The following MAGI1 variants were observed in gnomAD, a reference collection of about 807,000 sequenced individuals.
The protein encoded by MAGI1 is membrane associated guanylate kinase, WW and PDZ domain containing 1.
A neutral mutation model predicts 139.9 loss-of-function variants in MAGI1; 58 were observed. The ratio of observed to expected loss-of-function variants is 0.41; its 90% CI spans 0.34 to 0.52. The LOEUF (loss-of-function observed/expected upper bound fraction) is 0.52. MAGI1 is among the 20% of genes least tolerant of loss of function. The pLI is 0.12. For missense variants in MAGI1, 1,874 were observed against 1,901.6 expected (o/e 0.99, Z 0.27); for synonymous variants, 812 against 737.9 (o/e 1.10, Z -1.63).
At chr3:65,376,032 A>G in intron 17 of MAGI1, 87 bp from the exon 18 acceptor site, 1 of 943,894 alleles carries the variant, frequency 1.1e-6, no homozygotes, top group Non-Finnish European at 1.6e-6. Flanking sequence ...GGGAAAGAGA[A>G]GGTTAAGTGT....
chr3:65,971,423 A>G (rs962655312), intron 1 of MAGI1, among the ~76,000 whole-genome samples: 8 of 152,160 alleles, frequency 5.3e-5, no homozygotes, highest in Non-Finnish European at 1.2e-4. Context: ...CTGATTCTAA[A>G]GAGATGCAAT....
At chr3:65,817,042 T>A (rs973083966) in intron 1 of MAGI1, among the ~76,000 whole-genome samples, 2 of 152,210 alleles carry the variant, frequency 1.3e-5, no homozygotes, top group Non-Finnish European at 2.9e-5. Flanking sequence ...GGACATAAAT[T>A]GCAATTCATA....
chr3:66,033,037 T>A (rs774336531), intron 1 of MAGI1, among the ~76,000 whole-genome samples: 5 of 151,510 alleles, frequency 3.3e-5, no homozygotes, highest in Admixed American at 3.3e-4. Context: ...ATCTTTTGTG[T>A]GTGTGTGTGA....
intron 5 of MAGI1, among the ~76,000 whole-genome samples, chr3:65,465,363 T>C (rs1950102483): frequency 6.6e-6 from 1 of 151,752 alleles, no homozygotes; most frequent in Non-Finnish European, 1.5e-5. Context: ...AATTTTGGTA[T>C]TGTTTTAGAA....
intron 1 of MAGI1, among the ~76,000 whole-genome samples, chr3:65,732,574 C>A (rs771996649): frequency 2.0e-5 from 3 of 152,168 alleles, no homozygotes; most frequent in Non-Finnish European, 4.4e-5. Flanking sequence ...CTAATCACAG[C>A]GCGGCACTTA....
At chr3:65,464,387 C>T (rs1950036487) in intron 5 of MAGI1, among the ~76,000 whole-genome samples, 1 of 151,978 alleles carries the variant, frequency 6.6e-6, no homozygotes, top group Non-Finnish European at 1.5e-5. Context: ...TGTAAATTTA[C>T]CTCTCATCAC....
rs150557472 is a variant in MAGI1, at chr3:65,572,775, G to A, written c.430+49197C>T. 1.0e-3 allele frequency among the ~76,000 whole-genome samples: 153 copies of A among 151,184 alleles called. 1 individual carries two copies. In the Middle Eastern group the frequency reaches 0.014, roughly 14 times the overall value. On this transcript the variant is annotated intron_variant, in intron 2 of 22. Transcript: ENST00000402939. Reference sequence around the variant, plus strand: ...CATCTTAAACGCAGAGAAATCAAAGGCCCATAGCAGGTCCAGGATTCAAGG... The same window carrying A: ...CATCTTAAACGCAGAGAAATCAAAGACCCATAGCAGGTCCAGGATTCAAGG...
intron 1 of MAGI1, among the ~76,000 whole-genome samples, chr3:65,892,144 A>G (rs374645645): frequency 2.6e-5 from 4 of 151,880 alleles, no homozygotes; most frequent in East Asian, 3.9e-4. Context: ...TATGTAACAC[A>G]TAACACGAAA....
intron 2 of MAGI1, among the ~76,000 whole-genome samples, chr3:65,613,864 A>G (rs981961420): frequency 6.6e-6 from 1 of 152,204 alleles, no homozygotes; most frequent in Non-Finnish European, 1.5e-5. Context: ...ATCTTCATAT[A>G]AATAAGGCCT....
At position 65,622,103 on chromosome 3, in the gene MAGI1, T is replaced by C. The variant is rs749592533; in HGVS notation, c.314-15A>G. 1.9e-6 allele frequency: 3 copies of C among 1,553,688 alleles called. No individual in the cohort carries two copies. In the East Asian group the frequency reaches 6.7e-5, roughly 35 times the overall value. On this transcript the variant is annotated splice_polypyrimidine_tract_variant and intron_variant, in intron 1 of 22. Transcript: ENST00000402939. The stretch of plus-strand genomic sequence containing the variant: ...CAGCCTTCCTCCTGCAGGAAATACA[T>C]AAAATAGACATACCACATCAACACA...
chr3:65,548,321 G>A (rs1434673764), intron 2 of MAGI1, among the ~76,000 whole-genome samples: 3 of 152,106 alleles, frequency 2.0e-5, no homozygotes, highest in East Asian at 3.9e-4. Context: ...GGGACAAGAG[G>A]GGCAGTTGGC....
chr3:65,804,104 G>T (rs2040687384), intron 1 of MAGI1, among the ~76,000 whole-genome samples: 1 of 152,026 alleles, frequency 6.6e-6, no homozygotes, highest in Non-Finnish European at 1.5e-5. Flanking sequence ...TAACACTGAA[G>T]AAATTCGAAA....
rs564115450 is a variant in MAGI1 at position 66,006,486 on chromosome 3, T to C, written c.313+31510A>G. On this transcript the variant is annotated intron_variant, in intron 1 of 22. Coordinates refer to ENST00000402939, the MANE Select transcript of MAGI1 (RefSeq NM_001033057.2). The stretch of plus-strand genomic sequence containing the variant: ...ATGTGTAGGTATATATGTATATATG[T>C]GTGTATGGGTATGTATATGTGTCTA... Among the ~76,000 whole-genome samples the C allele has an allele frequency of 3.2e-4, 49 of 152,288 alleles. No individual in the cohort carries two copies. In the Middle Eastern group the frequency reaches 0.01, roughly 32 times the overall value.
chr3:65,906,711 C>G (rs999364510), intron 1 of MAGI1, among the ~76,000 whole-genome samples: 1 of 151,858 alleles, frequency 6.6e-6, no homozygotes, highest in Non-Finnish European at 1.5e-5. Context: ...CATGGTGAAA[C>G]CCCATCTCTA....
intron 1 of MAGI1, among the ~76,000 whole-genome samples, chr3:65,948,731 G>C (rs892765758): frequency 2.6e-5 from 4 of 152,068 alleles, no homozygotes; most frequent in African/African-American, 9.7e-5. Flanking sequence ...ATCTATCTTT[G>C]ACCCACAGAC....
intron 1 of MAGI1, among the ~76,000 whole-genome samples, chr3:65,963,356 G>A (rs1040575816): frequency 6.1e-5 from 9 of 148,592 alleles, no homozygotes; most frequent in South Asian, 2.2e-4. Context: ...GGTGGCTCAC[G>A]CCTGTAATCC....
chr3:65,571,942 A>G (rs17354154), intron 2 of MAGI1, among the ~76,000 whole-genome samples: 56,226 of 151,920 alleles, frequency 0.37, 11,818 homozygotes, highest in East Asian at 0.66. Flanking sequence ...ACCCAACCTC[A>G]TAACAGATTA....
intron 1 of MAGI1, chr3:65,688,533 A>C: frequency 7.1e-6 from 3 of 424,338 alleles, no homozygotes; most frequent in South Asian, 6.0e-5. Context: ...TGCTACTGGT[A>C]GGTGCTACTG....
In MAGI1 at chr3:65,420,068, G is replaced by A. The variant is rs192691799; in HGVS notation, c.2167+9452C>T. On this transcript the variant is annotated intron_variant, in intron 12 of 22. Coordinates refer to ENST00000402939, the MANE Select transcript of MAGI1 (RefSeq NM_001033057.2). The stretch of plus-strand genomic sequence containing the variant: ...TTGAACTACTGCAAAAGCCCTCACA[G>A]GTCTCCCCTTCCCCTCCTGTTCCCC... 2.0e-5 allele frequency among the ~76,000 whole-genome samples: 3 copies of A among 152,116 alleles called. No homozygotes were observed. The East Asian group carries it at 5.8e-4, about 29-fold the overall frequency.
Sources: gnomAD v4.1 joint callset for allele counts (sites outside exome capture counted in the v4.1 genomes callset) on GRCh38, gnomAD v4.1.1 for gene constraint, MANE v1.5 for transcripts, NCBI Gene and HGNC (gene_info 2026-07-23, HGNC 2026-07-21) for gene names.